The following FAH variants were observed in gnomAD, a reference collection of about 807,000 sequenced individuals.
FAH encodes the protein fumarylacetoacetase.
In FAH, 47 loss-of-function variants were observed where a neutral mutation model predicts 55.8. That is an observed-to-expected ratio of 0.84 (90% confidence interval 0.67 to 1.07). The LOEUF (loss-of-function observed/expected upper bound fraction) is 1.07, where lower values mean the gene tolerates loss of function less well. Among genes scored for constraint, FAH ranks in the 50% least tolerant of loss-of-function variants. FAH has a pLI of 0.00. For missense variants in FAH, 495 were observed against 545.9 expected (o/e 0.91, Z 0.93); for synonymous variants, 199 against 207.7 (o/e 0.96, Z 0.36).
intron 10 of FAH, 47 bp from the exon 11 acceptor site, chr15:80,177,490 G>C: frequency 1.3e-6 from 2 of 1,511,038 alleles, no homozygotes; most frequent in South Asian, 2.2e-5. Flanking sequence ...TTTCCTCCCT[G>C]ATGCATGGAA....
chr15:80,175,449 A>G (rs184336569), intron 10 of FAH, among the ~76,000 whole-genome samples: 188 of 152,142 alleles, frequency 1.2e-3, no homozygotes, highest in Non-Finnish European at 1.6e-3. Flanking sequence ...TGGGTGGCAC[A>G]TTTCATTGAG....
intron 3 of FAH, 191 bp downstream of exon 3, chr15:80,160,068 G>A (rs988325148): frequency 4.8e-5 from 39 of 812,596 alleles, no homozygotes; most frequent in South Asian, 1.7e-4. Context: ...TTGCCTTGGC[G>A]CCTGGAATGG....
chr15:80,184,781 C>T (rs80195303), intron 13 of FAH, among the ~76,000 whole-genome samples: 10,208 of 152,184 alleles, frequency 0.067, 411 homozygotes, highest in East Asian at 0.087. Context: ...AAATGCATCT[C>T]GTGCCTGAGT....
chr15:80,153,073 G>T lies in FAH; in HGVS notation c.19G>T (p.Ala7Ser). MSFIPV[A>S]EDSDFPIHNL... ...CTTCAGCATGTCCTTCATCCCGGTG[G>T]CCGAGGATTCCGACTTCCCCATCCA... Residue 7 changes from alanine (A) to serine (S), a missense_variant, in exon 1 of 14, where the codon GCC (alanine) becomes TCC (serine). Ala to Ser is a moderately conservative substitution (Grantham distance 99). Coordinates refer to ENST00000561421, the MANE Select transcript of FAH (RefSeq NM_000137.4). The T allele has an allele frequency of 6.2e-7, 1 of 1,613,804 alleles. No homozygotes were observed. Among genetic ancestry groups the T allele is most frequent in the Admixed American group, 1.7e-5 (1 of 60,028 alleles).
chr15:80,164,167 C>T (rs2041172474), intron 5 of FAH, among the ~76,000 whole-genome samples: 1 of 152,220 alleles, frequency 6.6e-6, no homozygotes, highest in African/African-American at 2.4e-5. Context: ...AAATCAGTCT[C>T]ACTGGCTAAA....
chr15:80,153,171 G>GT (rs71699670), intron 1 of FAH, 36 bp downstream of exon 1: 13 of 1,250,096 alleles, frequency 1.0e-5, no homozygotes, highest in African/African-American at 1.7e-5. Context: ...GGCGCGGGGA[G>GT]GGAGTGGAGT....
At chr15:80,154,916 C>A (rs935817580) in intron 1 of FAH, among the ~76,000 whole-genome samples, 2 of 152,074 alleles carry the variant, frequency 1.3e-5, no homozygotes, top group African/African-American at 4.8e-5. Context: ...CTGGTTTTGC[C>A]GGGTGCCTTG....
At chr15:80,155,135 C>T (rs1019177832) in intron 1 of FAH, among the ~76,000 whole-genome samples, 20 of 152,144 alleles carry the variant, frequency 1.3e-4, no homozygotes, top group Non-Finnish European at 2.1e-4. Context: ...GCTTAAATGT[C>T]ACCTCCTAAG....
At chr15:80,183,653 C>G (rs2041348171) in intron 13 of FAH, among the ~76,000 whole-genome samples, 1 of 152,234 alleles carries the variant, frequency 6.6e-6, no homozygotes, top group Non-Finnish European at 1.5e-5. Context: ...GCTCCTTCCC[C>G]AAATCAATTT....
In FAH at chr15:80,159,800, G is replaced by A. The variant is rs1490117712; in HGVS notation, c.237G>A (p.Lys79=). 6.8e-6 allele frequency: 11 copies of A among 1,614,248 alleles called. No individual in the cohort carries two copies. The highest frequency in any genetic ancestry group is 2.2e-5 in the East Asian group (1 of 44,884). Residue 79 remains lysine, a synonymous_variant, in exon 3 of 14, where the codon AAG becomes AAA. Coordinates refer to ENST00000561421, the MANE Select transcript of FAH (RefSeq NM_000137.4). ...SFMGLGQAAW[K]EARVFLQNLL... is the part of the protein sequence containing the mutation. ...TGGGCCTGGGTCAGGCTGCCTGGAA[G>A]GAGGCGAGAGTGTTCTTGCAGAACT...
chr15:80,154,743 C>A (rs2041083726), intron 1 of FAH, among the ~76,000 whole-genome samples: 1 of 152,306 alleles, frequency 6.6e-6, no homozygotes. Context: ...TGCTTATGAA[C>A]CCCAACTCTG....
At chr15:80,164,295 A>G (rs2041173645) in intron 5 of FAH, among the ~76,000 whole-genome samples, 2 of 151,136 alleles carry the variant, frequency 1.3e-5, no homozygotes, top group Non-Finnish European at 2.9e-5. Flanking sequence ...TCCTCATATC[A>G]CTCCAACCAC....
chr15:80,182,105 C>T (rs2142109462), intron 13 of FAH, among the ~76,000 whole-genome samples: 1 of 152,288 alleles, frequency 6.6e-6, no homozygotes, highest in Admixed American at 6.5e-5. Context: ...CCTCTTCCAG[C>T]TTCTGGTGGA....
In FAH at chr15:80,168,146, G is replaced by A. The variant is rs2142098014; in HGVS notation, c.550G>A (p.Asp184Asn). 6.2e-7 allele frequency: 1 copy of A among 1,613,770 alleles called. No homozygotes were observed. Among genetic ancestry groups the A allele is most frequent in the Admixed American group, 1.7e-5 (1 of 60,004 alleles). ...RRPMGQMKPDDSKPPVYGACK... is the reference protein window; with the variant it reads ...RRPMGQMKPDNSKPPVYGACK... ...GCCCATGGGACAGATGAAACCTGATGACTGTGAGTGACCGCAGCGTCCAGG... is the reference window on the plus strand; with the variant it reads ...GCCCATGGGACAGATGAAACCTGATAACTGTGAGTGACCGCAGCGTCCAGG... The change falls in exon 6 of 14, where the codon GAC becomes AAC. Residue 184 changes from aspartate to asparagine, a missense_variant. By Grantham distance (23) the Asp-to-Asn change is conservative. Coordinates refer to ENST00000561421, the MANE Select transcript of FAH (RefSeq NM_000137.4).
intron 4 of FAH, 156 bp downstream of exon 4, chr15:80,160,615 A>G: frequency 1.4e-6 from 1 of 738,332 alleles, no homozygotes; most frequent in Non-Finnish European, 2.4e-6. Context: ...CTCATCACTG[A>G]CCTTTCCCAG....
Position 80,167,878 on chromosome 15 carries a change from A to G in FAH, c.456-174A>G, listed in dbSNP as rs191970685. Among the ~76,000 whole-genome samples the G allele has an allele frequency of 1.4e-3, 215 of 152,232 alleles. 1 individual carries two copies. Among genetic ancestry groups the G allele is most frequent in the African/African-American group, 4.9e-3 (203 of 41,516 alleles). On this transcript the variant is annotated intron_variant, in intron 5 of 13. Coordinates refer to ENST00000561421, the MANE Select transcript of FAH (RefSeq NM_000137.4). ...GGCTGAATAATATTCCACTGTATGT[A>G]TGTACCACAGTTTGTTTATCCATTC...
chr15:80,153,461 C>T (rs545187492), intron 1 of FAH, among the ~76,000 whole-genome samples: 4 of 152,218 alleles, frequency 2.6e-5, no homozygotes, highest in Non-Finnish European at 4.4e-5. Flanking sequence ...CACAGGCATG[C>T]TGCCTACTCC....
In FAH at chr15:80,163,270, T is replaced by A. The variant is rs143093683; in HGVS notation, c.455+934T>A. On this transcript the variant is annotated intron_variant, in intron 5 of 13. Coordinates refer to ENST00000561421, the MANE Select transcript of FAH (RefSeq NM_000137.4). The stretch of plus-strand genomic sequence containing the variant: ...CCAGGTTCCAGGCTTCCACGTGAGA[T>A]GCGCAAATATTTGAGAATCTTGCAC... 5.0e-3 allele frequency: 756 copies of A among 152,516 alleles called. 2 individuals carry two copies. Among genetic ancestry groups the A allele is most frequent in the Middle Eastern group, 0.02 (6 of 296 alleles). 9.4% of individuals were successfully genotyped at this position (152,516 alleles called of 1,614,324 possible).
intron 7 of FAH, 81 bp downstream of exon 7, chr15:80,168,397 T>C: frequency 7.0e-7 from 1 of 1,422,002 alleles, no homozygotes; most frequent in African/African-American, 1.4e-5. Context: ...CCCCGCACCA[T>C]GAGCCGCCCA....
Sources: gnomAD v4.1 joint callset for allele counts (sites outside exome capture counted in the v4.1 genomes callset) on GRCh38, gnomAD v4.1.1 for gene constraint, MANE v1.5 for transcripts, NCBI Gene and HGNC (gene_info 2026-07-23, HGNC 2026-07-21) for gene names.